OTUD4: variants seen among roughly 807,000 people sequenced by gnomAD.
OTUD4 encodes the protein OTU deubiquitinase 4.
Under a neutral mutation model 130.4 loss-of-function variants are expected in OTUD4, and 24 were observed. The observed-to-expected ratio is 0.18, with a 90% confidence interval of 0.13 to 0.26. OTUD4 has a LOEUF of 0.26. Ranked by LOEUF, OTUD4 falls within the 10% of genes least tolerant of loss-of-function variation. The pLI is 1.00. For synonymous variants in OTUD4, 420 were observed against 472.5 expected, an observed-to-expected ratio of 0.89 and a Z score of 1.44; for missense variants, 1,031 against 1,329.4, an observed-to-expected ratio of 0.78 and a Z score of 3.49.
At chr4:145,174,056 G>A (rs1013023639) in intron 2 of OTUD4, among the ~76,000 whole-genome samples, 4 of 143,316 alleles carry the variant, frequency 2.8e-5, no homozygotes, top group Non-Finnish European at 4.5e-5. Context: ...CACCCAGGCT[G>A]TGGTGCAGCG....
chr4:145,145,641 C>A (rs1389446255), intron 14 of OTUD4, among the ~76,000 whole-genome samples: 1 of 152,194 alleles, frequency 6.6e-6, no homozygotes, highest in African/African-American at 2.4e-5. Context: ...CACAGGCTCC[C>A]AGACATGAGA....
rs1265718645 is a variant in OTUD4, at chr4:145,180,168, A to G, written c.-195T>C. On this transcript the variant is annotated 5_prime_UTR_variant, in exon 1 of 21. An upstream start codon of the reference 5' UTR is lost. Coordinates refer to ENST00000447906, the MANE Select transcript of OTUD4 (RefSeq NM_001366057.1). ...CGCATAGGGAAGCCCTGCCTAATGC[A>G]TGGCTGTCCGCACGCGGCCGCCTCC... 5.5e-5 allele frequency: 11 copies of G among 198,576 alleles called. No homozygotes were observed. Among genetic ancestry groups the G allele is most frequent in the Non-Finnish European group, 1.1e-4 (11 of 104,574 alleles). 12.3% of individuals were successfully genotyped at this position (198,576 alleles called of 1,614,324 possible).
At chr4:145,151,117 TA>T (rs1293621510) in intron 11 of OTUD4, among the ~76,000 whole-genome samples, 1 of 152,074 alleles carries the variant, frequency 6.6e-6, no homozygotes, top group East Asian at 1.9e-4. Context: ...TTTCTAATTT[TA>T]AAAAAAGACA....
Position 145,133,847 on chromosome 4 carries a change from GTTTCC to G in OTUD4, c.*3578_*3582del, listed in dbSNP as rs1750116732. ...ATATGATAAAGAATATAAAGTACTA[GTTTCC>G]TTTTAACACTTCAAAAGATATGTAT... On this transcript the variant is annotated 3_prime_UTR_variant, in exon 21 of 21. Transcript: ENST00000447906. The G allele has an allele frequency of 6.6e-6, 1 of 152,558 alleles. No individual in the cohort carries two copies. Among genetic ancestry groups the G allele is most frequent in the Non-Finnish European group, 1.5e-5 (1 of 68,016 alleles). The allele number at this position is 152,558 out of a possible 1,614,324, so 9.5% of individuals were successfully genotyped here. A position where few individuals can be genotyped will look rare whatever the true frequency, so the allele number is the denominator to read the frequency against.
chr4:145,138,990 A>G (rs1252940427), intron 20 of OTUD4, among the ~76,000 whole-genome samples: 2 of 152,150 alleles, frequency 1.3e-5, no homozygotes, highest in African/African-American at 2.4e-5. Flanking sequence ...CAGGCCAGTT[A>G]ACATCTGAAT....
chr4:145,150,446 A>C, intron 13 of OTUD4, 67 bp downstream of exon 13: 2 of 1,066,616 alleles, frequency 1.9e-6, no homozygotes, highest in East Asian at 4.8e-5. Flanking sequence ...AAATGCACAT[A>C]ATGTGGCAAA....
Position 145,137,332 on chromosome 4 carries a change from A to C in OTUD4, c.*98T>G, listed in dbSNP as rs1022154013. Reference sequence around the variant, plus strand: ...GTAAGGGGGGCTGGGGAGAGGAAAGAGTTCCAACTGCGGTTTTTACTTTAT... The same window carrying C: ...GTAAGGGGGGCTGGGGAGAGGAAAGCGTTCCAACTGCGGTTTTTACTTTAT... On this transcript the variant is annotated 3_prime_UTR_variant, in exon 21 of 21. Coordinates refer to ENST00000447906, the MANE Select transcript of OTUD4 (RefSeq NM_001366057.1). 86 of 988,926 alleles carry C rather than the reference A, an allele frequency of 8.7e-5. No homozygotes were observed. The Middle Eastern group carries it at 2.2e-3, about 25-fold the overall frequency. The allele number at this position is 988,926 out of a possible 1,614,324, so 61.3% of individuals were successfully genotyped here.
Position 145,137,908 on chromosome 4 carries a change from A to G in OTUD4, c.2867T>C (p.Val956Ala). Residue 956 changes from valine (V) to alanine (A), a missense_variant, in exon 21 of 21, where the codon GTA becomes GCA. By Grantham distance (64) the Val-to-Ala change is moderately conservative. This residue lies in a region of OTUD4 where 900 missense variants were observed against 1,095.9 expected (regional missense o/e 0.82). Coordinates refer to ENST00000447906, the MANE Select transcript of OTUD4 (RefSeq NM_001366057.1). ...GGGAGGATGAGCCTTTCCCTCTGCTACAGGAGGGATGGAAGCCAATGCCGT... is the reference window on the plus strand; with the variant it reads ...GGGAGGATGAGCCTTTCCCTCTGCTGCAGGAGGGATGGAAGCCAATGCCGT... ...ADTALASIPPVAEGKAHPPTQ... is the reference protein window; with the variant it reads ...ADTALASIPPAAEGKAHPPTQ... 6.2e-7 allele frequency: 1 copy of G among 1,614,100 alleles called. No homozygotes were observed.
At chr4:145,139,108 T>C (rs1184124082) in intron 20 of OTUD4, among the ~76,000 whole-genome samples, 1 of 152,190 alleles carries the variant, frequency 6.6e-6, no homozygotes, top group Non-Finnish European at 1.5e-5. Flanking sequence ...AAGTTAGACC[T>C]CTAATCAGGG....
intron 5 of OTUD4, 76 bp downstream of exon 5, chr4:145,164,078 A>G: frequency 1.5e-6 from 1 of 664,142 alleles, no homozygotes; most frequent in Non-Finnish European, 2.6e-6. Flanking sequence ...ATTTAAAATT[A>G]TAGCTTATGA....
At chr4:145,168,413 T>TAAAAAAAAAAAAAAAAAAAAAA (rs11432018) in intron 3 of OTUD4, among the ~76,000 whole-genome samples, 2 of 122,858 alleles carry the variant, frequency 1.6e-5, no homozygotes, top group East Asian at 4.7e-4. Flanking sequence ...AATAAAAAAT[T>TAAAAAAAAAAAAAAAAAAAAAA]AAAAAAAAAA....
chr4:145,163,084 C>G (rs566901131), intron 5 of OTUD4, among the ~76,000 whole-genome samples: 1 of 152,238 alleles, frequency 6.6e-6, no homozygotes, highest in East Asian at 1.9e-4. Context: ...CAAGCAAAAT[C>G]AAAGTTAAAT....
chr4:145,153,695 C>T (rs1361702112), intron 10 of OTUD4, among the ~76,000 whole-genome samples: 2 of 152,230 alleles, frequency 1.3e-5, no homozygotes, highest in East Asian at 3.8e-4. Flanking sequence ...ACTGCCCACA[C>T]TGAAATTGTG....
chr4:145,144,479 C>G, intron 14 of OTUD4, 45 bp from the exon 15 acceptor site: 4 of 1,577,846 alleles, frequency 2.5e-6, no homozygotes, highest in Non-Finnish European at 3.4e-6. Flanking sequence ...AAGATTTACC[C>G]ACAGATACAT....
At chr4:145,178,074 T>G (rs908738139) in intron 1 of OTUD4, 1 of 152,182 alleles carries the variant, frequency 6.6e-6, no homozygotes, top group Non-Finnish European at 1.5e-5. Flanking sequence ...CTGGGAAGGG[T>G]AGTCCCTTAT....
chr4:145,144,120 G>T, intron 15 of OTUD4, 119 bp from the exon 16 acceptor site: 1 of 1,064,096 alleles, frequency 9.4e-7, no homozygotes, highest in Non-Finnish European at 1.4e-6. Context: ...TTTAGTCAGT[G>T]AAAATGTAGT....
intron 11 of OTUD4, among the ~76,000 whole-genome samples, chr4:145,151,524 A>G (rs1315790260): frequency 6.6e-6 from 1 of 152,112 alleles, no homozygotes; most frequent in African/African-American, 2.4e-5. Flanking sequence ...AATCTCAGCT[A>G]CTGGGGAGGC....
In OTUD4 at chr4:145,133,832, GAA is replaced by G. The variant is rs1750116385; in HGVS notation, c.*3596_*3597del. ...CACTTACAAAAAGTGATATGATAAAGAATATAAAGTACTAGTTTCCTTTTAAC... is the reference window on the plus strand; with the variant it reads ...CACTTACAAAAAGTGATATGATAAAGTATAAAGTACTAGTTTCCTTTTAAC... On this transcript the variant is annotated 3_prime_UTR_variant, in exon 21 of 21. Transcript: ENST00000447906. 1 of 152,528 alleles carries G rather than the reference GAA, an allele frequency of 6.6e-6. No homozygotes were observed. The highest frequency in any genetic ancestry group is 1.5e-5 in the Non-Finnish European group (1 of 68,022). The allele number at this position is 152,528 out of a possible 1,614,324, so 9.4% of individuals were successfully genotyped here. A position where few individuals can be genotyped will look rare whatever the true frequency, so the allele number is the denominator to read the frequency against.
intron 10 of OTUD4, among the ~76,000 whole-genome samples, chr4:145,153,632 C>A (rs1751160106): frequency 6.6e-6 from 1 of 152,176 alleles, no homozygotes; most frequent in African/African-American, 2.4e-5. Context: ...TAATATTACG[C>A]AGTTGTAAAT....
Sources: allele counts gnomAD v4.1 joint callset (sites outside exome capture counted in the v4.1 genomes callset), GRCh38; gene constraint gnomAD v4.1.1; regional missense constraint gnomAD v4.1.1; transcripts MANE v1.5; gene names NCBI Gene and HGNC (gene_info 2026-07-23, HGNC 2026-07-21).